MAX: variants seen among roughly 807,000 people sequenced by gnomAD.
MAX encodes the protein MYC associated transcriptional regulator X, also known as protein max.
A neutral mutation model predicts 22.3 loss-of-function variants in MAX; 3 were observed. That is an observed-to-expected ratio of 0.13 (90% confidence interval 0.06 to 0.35). The LOEUF (loss-of-function observed/expected upper bound fraction) is 0.35. Ranked by LOEUF, MAX falls within the 10% of genes least tolerant of loss-of-function variation. The pLI, the probability that MAX is intolerant of heterozygous loss-of-function variation, is 1.00. For missense variants in MAX, 119 were observed against 209.4 expected (o/e 0.57, Z 2.66); for synonymous variants, 72 against 77.7 (o/e 0.93, Z 0.39).
chr14:65,094,767 A>G (rs984498104), intron 2 of MAX, among the ~76,000 whole-genome samples: 1 of 152,258 alleles, frequency 6.6e-6, no homozygotes, highest in Non-Finnish European at 1.5e-5. Context: ...GCAGGTCCCC[A>G]TCAGAGGGGT....
chr14:65,080,816 C>T (rs948187758), intron 3 of MAX, among the ~76,000 whole-genome samples: 3 of 152,220 alleles, frequency 2.0e-5, no homozygotes, highest in African/African-American at 7.2e-5. Flanking sequence ...AACCAGAGAG[C>T]ACTTGCAAAT....
chr14:65,102,667 C>T, upstream of MAX: 1 of 978,112 alleles, frequency 1.0e-6, no homozygotes, highest in Non-Finnish European at 1.3e-6. Flanking sequence ...CCGGAAGAAA[C>T]CGCATCCAGG....
At position 65,027,105 on chromosome 14, in the gene MAX, C is replaced by T. The variant is rs2061996906; in HGVS notation, c.172-20821G>A. On this transcript the variant is annotated intron_variant, in intron 3 of 3. Transcript: ENST00000341653. The surrounding 1 kb of genome is among the most constrained non-coding windows in gnomAD (Gnocchi z 5.7). ...GAGGAGGAGGCTGGTACCACAGGTCCAGGGCAGCAAGTTGAGTGGAAAGTC... is the reference window on the plus strand; with the variant it reads ...GAGGAGGAGGCTGGTACCACAGGTCTAGGGCAGCAAGTTGAGTGGAAAGTC... Among the ~76,000 whole-genome samples the T allele has an allele frequency of 6.6e-6, 1 of 152,092 alleles. No individual in the cohort carries two copies. Among genetic ancestry groups the T allele is most frequent in the Admixed American group, 6.6e-5 (1 of 15,262 alleles).
chr14:65,045,627 G>C (rs2062460762), intron 3 of MAX, among the ~76,000 whole-genome samples: 1 of 152,166 alleles, frequency 6.6e-6, no homozygotes, highest in African/African-American at 2.4e-5. Flanking sequence ...TGTTGGACAG[G>C]CTGTTCTTGA....
intron 3 of MAX, among the ~76,000 whole-genome samples, chr14:65,067,625 GTT>G (rs201195408): frequency 1.4e-5 from 2 of 140,680 alleles, no homozygotes. Context: ...ATGGGTTTAT[GTT>G]TTTTTTTTTT....
chr14:65,049,186 G>GT (rs1159297039), intron 3 of MAX, among the ~76,000 whole-genome samples: 9 of 150,494 alleles, frequency 6.0e-5, no homozygotes, highest in African/African-American at 2.0e-4. Flanking sequence ...GAGTTACTTT[G>GT]TTTTTTTGTT....
chr14:65,065,946 G>A (rs2062927151), intron 3 of MAX, among the ~76,000 whole-genome samples: 1 of 152,190 alleles, frequency 6.6e-6, no homozygotes, highest in Non-Finnish European at 1.5e-5. Flanking sequence ...AGGTTTCCCA[G>A]CTGTCAAGTG....
At chr14:65,100,082 CA>C (rs202174220) in intron 2 of MAX, among the ~76,000 whole-genome samples, 1,650 of 152,314 alleles carry the variant, frequency 0.011, 12 homozygotes, top group South Asian at 0.017. Context: ...AACAAGCCCC[CA>C]AACAGTTGTT....
intron 3 of MAX, chr14:65,022,240 C>T (rs2139554698): frequency 2.9e-6 from 1 of 342,674 alleles, no homozygotes; most frequent in East Asian, 7.6e-5. Flanking sequence ...CCGTTCTGCC[C>T]ATGGATGACT....
chr14:65,097,847 A>C (rs1292410860), intron 2 of MAX, among the ~76,000 whole-genome samples: 1 of 152,202 alleles, frequency 6.6e-6, no homozygotes, highest in Admixed American at 6.5e-5. Flanking sequence ...GGATAAACTC[A>C]CCAAGCTCCC....
rs569537449 is a variant in MAX, at chr14:65,030,956, T to C, written c.172-24672A>G. Reference sequence around the variant, plus strand: ...CCAAGTAGCTGGGATTACAGGCGTGTGCCACCATGCCCAGCTAATTTTTGT... The same window carrying C: ...CCAAGTAGCTGGGATTACAGGCGTGCGCCACCATGCCCAGCTAATTTTTGT... On this transcript the variant is annotated intron_variant, in intron 3 of 3. Coordinates refer to the MAX transcript ENST00000341653. The surrounding 1 kb of genome is among the most constrained non-coding windows in gnomAD (Gnocchi z 4.5). Among the ~76,000 whole-genome samples the C allele has an allele frequency of 1.3e-4, 19 of 151,890 alleles. No homozygotes were observed. The highest frequency in any genetic ancestry group is 4.1e-4 in the African/African-American group (17 of 41,442).
intron 3 of MAX, among the ~76,000 whole-genome samples, chr14:65,017,552 G>A (rs953577970): frequency 6.6e-6 from 1 of 152,146 alleles, no homozygotes; most frequent in East Asian, 1.9e-4. Context: ...AAGTGTCAGC[G>A]CCGCTTCTGG....
intron 3 of MAX, among the ~76,000 whole-genome samples, chr14:65,065,447 A>G (rs1468370875): frequency 3.3e-5 from 5 of 152,154 alleles, no homozygotes. Context: ...TTGTGTGAAC[A>G]TCATGGAGTG....
Position 65,054,474 on chromosome 14 carries a change from G to T in MAX, c.171+39234C>A. ...CCTCTAGCCACATGGAGGATGGGGG[G>T]GGACGTGTGATTGCACCAGTGGTCT... On this transcript the variant is annotated intron_variant, in intron 3 of 3. Coordinates refer to the MAX transcript ENST00000341653. The surrounding 1 kb of genome is among the most constrained non-coding windows in gnomAD (Gnocchi z 4.4). 8.4e-7 allele frequency: 1 copy of T among 1,184,732 alleles called. No homozygotes were observed. The highest frequency in any genetic ancestry group is 1.2e-6 in the Non-Finnish European group (1 of 833,126). 73.4% of individuals were successfully genotyped at this position (1,184,732 alleles called of 1,614,324 possible).
chr14:65,064,410 T>C (rs532842638), intron 3 of MAX, among the ~76,000 whole-genome samples: 1 of 152,318 alleles, frequency 6.6e-6, no homozygotes, highest in Admixed American at 6.5e-5. Flanking sequence ...GTCCAGGAAT[T>C]AGGCTGGTCC....
At chr14:65,016,920 GTTT>G (rs34191835) in intron 3 of MAX, among the ~76,000 whole-genome samples, 1 of 114,848 alleles carries the variant, frequency 8.7e-6, no homozygotes, top group Non-Finnish European at 1.7e-5. Flanking sequence ...GGCCCACGTG[GTTT>G]TTTTTTTTTT....
chr14:65,077,834 A>C lies in MAX; in HGVS notation c.295+79T>G. On this transcript the variant is annotated intron_variant, in intron 4 of 4. Coordinates refer to ENST00000358664, the MANE Select transcript of MAX (RefSeq NM_002382.5). The surrounding 1 kb of genome is among the most constrained non-coding windows in gnomAD (Gnocchi z 6.3). ...AGCACATACTCCATGACTGGCTCTG[A>C]CTCTGCAGGCCCAGGTGCCAAAGCC... The C allele has an allele frequency of 1.2e-6, 2 of 1,614,040 alleles. No homozygotes were observed. Among genetic ancestry groups the C allele is most frequent in the Non-Finnish European group, 1.7e-6 (2 of 1,180,012 alleles).
In MAX at chr14:65,060,472, G is replaced by A. The variant is rs976150766; in HGVS notation, c.171+33236C>T. On this transcript the variant is annotated intron_variant, in intron 3 of 3. Transcript: ENST00000341653. ...AGCACTTTGGGAGGCCGAGGCGGGCGGATCACGAGGTCAGGAGATCGAGAC... is the reference window on the plus strand; with the variant it reads ...AGCACTTTGGGAGGCCGAGGCGGGCAGATCACGAGGTCAGGAGATCGAGAC... 2.4e-4 allele frequency among the ~76,000 whole-genome samples: 26 copies of A among 107,342 alleles called. 7 individuals carry two copies. The highest frequency in any genetic ancestry group is 1.1e-3 in the African/African-American group (15 of 13,138). The allele number at this position is 107,342 out of a possible 152,430, so 70.4% of individuals were successfully genotyped here. A position where few individuals can be genotyped will look rare whatever the true frequency, so the allele number is the denominator to read the frequency against.
Position 65,044,515 on chromosome 14 carries a change from C to A in MAX, c.172-38231G>T, listed in dbSNP as rs2062431525. 1 of 1,547,188 alleles carries A rather than the reference C, an allele frequency of 6.5e-7. No individual in the cohort carries two copies. Among genetic ancestry groups the A allele is most frequent in the African/African-American group, 1.4e-5 (1 of 71,694 alleles). ...CTACTCACAAAGTCTGGAAGCCCAGCGTGCTTTTTTAGAGGGGTTGAAATG... is the reference window on the plus strand; with the variant it reads ...CTACTCACAAAGTCTGGAAGCCCAGAGTGCTTTTTTAGAGGGGTTGAAATG... On this transcript the variant is annotated intron_variant, in intron 3 of 3. Transcript: ENST00000341653. The surrounding 1 kb of genome is among the most constrained non-coding windows in gnomAD (Gnocchi z 5.5).
Sources: allele counts gnomAD v4.1 joint callset (sites outside exome capture counted in the v4.1 genomes callset), GRCh38; gene constraint gnomAD v4.1.1; non-coding constraint Gnocchi (gnomAD v3.1); transcripts MANE v1.5; gene names NCBI Gene and HGNC (gene_info 2026-07-23, HGNC 2026-07-21).